TENM3: variants seen among roughly 807,000 people sequenced by gnomAD.
The protein encoded by TENM3 is teneurin-3.
In TENM3, 63 loss-of-function variants were observed where a neutral mutation model predicts 255.1. That is an observed-to-expected ratio of 0.25 (90% CI 0.20 to 0.30). The LOEUF (loss-of-function observed/expected upper bound fraction) is 0.30. Among genes scored for constraint, TENM3 ranks in the 10% least tolerant of loss-of-function variants. The pLI, the probability that TENM3 is intolerant of heterozygous loss-of-function variation, is 1.00. For synonymous variants in TENM3, 1,306 were observed against 1,322.3 expected (o/e 0.99, Z 0.27); for missense variants, 2,929 against 3,461.1 (o/e 0.85, Z 3.86).
intron 1 of TENM3, among the ~76,000 whole-genome samples, chr4:182,224,221 CTTA>C (rs1756010405): frequency 6.6e-6 from 1 of 152,106 alleles, no homozygotes; most frequent in Admixed American, 6.5e-5. Flanking sequence ...TGTATCCGTT[CTTA>C]TTCTTGCTGA....
At chr4:182,039,535 A>C in the TENM3 span, among the ~76,000 whole-genome samples, 1 of 152,320 alleles carries the variant, frequency 6.6e-6, no homozygotes, top group East Asian at 1.9e-4. Flanking sequence ...AACCTACTTC[A>C]GGTTCCCACT....
At chr4:182,028,856 A>C in the TENM3 span, among the ~76,000 whole-genome samples, 50 of 150,452 alleles carry the variant, frequency 3.3e-4, no homozygotes, top group Admixed American at 2.7e-3. Flanking sequence ...TTGTTTTCTG[A>C]CTTAACATGT....
Position 182,324,152 on chromosome 4 carries a change from C to G in TENM3, c.132C>G (p.Ser44Arg). The G allele has an allele frequency of 6.2e-7, 1 of 1,613,962 alleles. No individual in the cohort carries two copies. The highest frequency in any genetic ancestry group is 8.5e-7 in the Non-Finnish European group (1 of 1,179,872). Residue 44 changes from serine (S) to arginine (R), a missense_variant, in exon 2 of 28, where the codon AGC (serine) becomes AGG (arginine). By Grantham distance (110) the Ser-to-Arg change is moderately radical (BLOSUM62 -1). This residue lies in a region of TENM3 where 283 missense variants were observed against 256.9 expected (regional missense o/e 1.10). Coordinates refer to ENST00000511685, the MANE Select transcript of TENM3 (RefSeq NM_001080477.4). ...RVPTQKSYSSSETLKAFDHDS... is the reference protein window; with the variant it reads ...RVPTQKSYSSRETLKAFDHDS... Reference sequence around the variant, plus strand: ...CCACACAGAAGTCCTACAGTTCCAGCGAGACATTGAAAGCTTTTGATCATG... The same window carrying G: ...CCACACAGAAGTCCTACAGTTCCAGGGAGACATTGAAAGCTTTTGATCATG...
the TENM3 span, among the ~76,000 whole-genome samples, chr4:181,693,971 T>A: frequency 6.6e-6 from 1 of 152,144 alleles, no homozygotes; most frequent in East Asian, 1.9e-4. Flanking sequence ...AAATCTGTAG[T>A]CAGAATACCT....
chr4:182,457,202 A>AG (rs959931831), intron 3 of TENM3, among the ~76,000 whole-genome samples: 2 of 151,156 alleles, frequency 1.3e-5, no homozygotes, highest in African/African-American at 4.8e-5. Context: ...AAAAAAAAAA[A>AG]GAACAAAAAC....
the TENM3 span, among the ~76,000 whole-genome samples, chr4:181,927,838 A>G: frequency 6.6e-6 from 1 of 152,188 alleles, no homozygotes; most frequent in Admixed American, 6.5e-5. Flanking sequence ...ACAGACAGAA[A>G]TCTTCTTTGC....
intron 3 of TENM3, among the ~76,000 whole-genome samples, chr4:182,372,883 C>T (rs1018767823): frequency 2.0e-5 from 3 of 152,090 alleles, no homozygotes; most frequent in Non-Finnish European, 2.9e-5. Flanking sequence ...CACGTGCCAC[C>T]ACACCTGGTT....
At chr4:181,509,182 T>TA in the TENM3 span, among the ~76,000 whole-genome samples, 1 of 152,064 alleles carries the variant, frequency 6.6e-6, no homozygotes, top group Non-Finnish European at 1.5e-5. Flanking sequence ...TCACGACCTA[T>TA]AAAAACCCTA....
chr4:182,582,839 T>C (rs573286642), intron 3 of TENM3, among the ~76,000 whole-genome samples: 21 of 152,296 alleles, frequency 1.4e-4, no homozygotes, highest in Middle Eastern at 6.8e-3. Context: ...ACATAAACAT[T>C]GAAGGAAAGG....
At chr4:181,665,382 C>A in the TENM3 span, among the ~76,000 whole-genome samples, 47 of 152,256 alleles carry the variant, frequency 3.1e-4, no homozygotes, top group Middle Eastern at 6.8e-3. Context: ...TAGTCCCATT[C>A]CTTAGGAGAA....
rs11223 is a variant in TENM3, at chr4:182,799,697, C to G, written c.7446C>G (p.Gly2482=). The G allele has an allele frequency of 6.5e-7, 1 of 1,549,386 alleles. No homozygotes were observed. Among genetic ancestry groups the G allele is most frequent in the Non-Finnish European group, 8.7e-7 (1 of 1,146,572 alleles). The change falls in exon 28 of 28, where the codon GGC becomes GGG. Residue 2482 remains glycine (G), a synonymous_variant. Coordinates refer to ENST00000511685, the MANE Select transcript of TENM3 (RefSeq NM_001080477.4). The surrounding 1 kb of genome is among the most constrained non-coding windows in gnomAD (Gnocchi z 4.2). ...AGGTGAGCCGGCGCCGGGCCGGCGG[C>G]GCGCAGTCCTGGCTGTGGTTCGCCA... ...EVQVSRRRAG[G]AQSWLWFATV...
At chr4:181,924,201 G>C in the TENM3 span, among the ~76,000 whole-genome samples, 3 of 152,222 alleles carry the variant, frequency 2.0e-5, no homozygotes, top group East Asian at 5.8e-4. Flanking sequence ...CTGGCTACAG[G>C]CAAACCCACT....
chr4:181,950,485 A>G, the TENM3 span, among the ~76,000 whole-genome samples: 2 of 152,058 alleles, frequency 1.3e-5, no homozygotes, highest in Non-Finnish European at 2.9e-5. Flanking sequence ...TATTAACACC[A>G]TGTTACACCA....
At chr4:182,185,430 G>GT (rs1212041970) in intron 1 of TENM3, among the ~76,000 whole-genome samples, 5 of 152,298 alleles carry the variant, frequency 3.3e-5, no homozygotes, top group African/African-American at 1.2e-4. Flanking sequence ...ATCAAAGGCA[G>GT]TAAGTCACTC....
intron 3 of TENM3, among the ~76,000 whole-genome samples, chr4:182,433,748 G>A (rs1771836369): frequency 6.6e-6 from 1 of 152,210 alleles, no homozygotes; most frequent in African/African-American, 2.4e-5. Flanking sequence ...ATGGGTTGGA[G>A]TGTGAATACA....
At chr4:182,106,402 G>C in the TENM3 span, among the ~76,000 whole-genome samples, 2 of 152,192 alleles carry the variant, frequency 1.3e-5, no homozygotes, top group Non-Finnish European at 2.9e-5. Flanking sequence ...CAAAGCTGCA[G>C]TGAGCTGTGG....
At chr4:181,950,684 A>G in the TENM3 span, among the ~76,000 whole-genome samples, 1 of 152,164 alleles carries the variant, frequency 6.6e-6, no homozygotes, top group African/African-American at 2.4e-5. Flanking sequence ...CACTGTTACT[A>G]ACAAACTGTG....
chr4:182,092,451 C>CTCCTTGA, the TENM3 span, among the ~76,000 whole-genome samples: 1 of 152,122 alleles, frequency 6.6e-6, no homozygotes, highest in Non-Finnish European at 1.5e-5. Context: ...AGTTCAAGGC[C>CTCCTTGA]AGCCTGAGCA....
chr4:182,274,482 G>A (rs1340939171), intron 1 of TENM3, among the ~76,000 whole-genome samples: 1 of 152,158 alleles, frequency 6.6e-6, no homozygotes, highest in Non-Finnish European at 1.5e-5. Flanking sequence ...CTGTTCAGAG[G>A]CAAAGTGGAG....
Sources: allele counts gnomAD v4.1 joint callset (sites outside exome capture counted in the v4.1 genomes callset), GRCh38; gene constraint gnomAD v4.1.1; regional missense constraint gnomAD v4.1.1; non-coding constraint Gnocchi (gnomAD v3.1); transcripts MANE v1.5; gene names NCBI Gene and HGNC (gene_info 2026-07-23, HGNC 2026-07-21).